Variants in KLHL29 observed in about 807,000 individuals in gnomAD.
The protein encoded by KLHL29 is kelch like family member 29.
KLHL29 carries 21 observed loss-of-function variants against 80.4 expected under a neutral mutation model. That is an observed-to-expected ratio of 0.26 (90% confidence interval 0.19 to 0.38). The LOEUF is 0.38. Among genes scored for constraint, KLHL29 ranks in the 10% least tolerant of loss-of-function variants. KLHL29 has a pLI of 1.00. For missense variants in KLHL29, 867 were observed against 1,223.9 expected (o/e 0.71, Z 4.35); for synonymous variants, 511 against 526.8 (o/e 0.97, Z 0.41).
In KLHL29 at chr2:23,562,488, TGTG is replaced by T; in HGVS notation, c.285+11_285+13del. On this transcript the variant is annotated splice_region_variant and intron_variant, in intron 3 of 13. Coordinates refer to ENST00000486442, the MANE Select transcript of KLHL29 (RefSeq NM_052920.2). The surrounding 1 kb of genome is among the most constrained non-coding windows in gnomAD (Gnocchi z 4.5). ...GTCTGCGGTCACCACCAAGGTAAGA[TGTG>T]GTGTCATCTCTGAGCAGGAGCCGGA... The T allele has an allele frequency of 6.5e-7, 1 of 1,535,156 alleles. No homozygotes were observed. The highest frequency in any genetic ancestry group is 8.7e-7 in the Non-Finnish European group (1 of 1,146,602).
At chr2:23,446,622 A>G (rs1397314690) in intron 1 of KLHL29, among the ~76,000 whole-genome samples, 3 of 152,214 alleles carry the variant, frequency 2.0e-5, no homozygotes, top group Non-Finnish European at 4.4e-5. Flanking sequence ...AACAAGGCTT[A>G]TTAGTGACAG....
At chr2:23,458,036 T>A (rs1055969132) in intron 1 of KLHL29, among the ~76,000 whole-genome samples, 2 of 151,718 alleles carry the variant, frequency 1.3e-5, no homozygotes, top group Non-Finnish European at 2.9e-5. Context: ...TAAAAAAAAA[T>A]AAAACGTAAG....
intron 1 of KLHL29, among the ~76,000 whole-genome samples, chr2:23,411,586 C>T (rs992816146): frequency 1.3e-5 from 2 of 151,948 alleles, no homozygotes; most frequent in African/African-American, 2.4e-5. Flanking sequence ...GTGTGTGTGC[C>T]GCAAGAGTTT....
chr2:23,637,591 A>G (rs750498238), intron 3 of KLHL29, among the ~76,000 whole-genome samples: 6 of 152,234 alleles, frequency 3.9e-5, no homozygotes, highest in Non-Finnish European at 8.8e-5. Context: ...AGCGCAGCCC[A>G]CAGGTCCTAA....
rs74737803 is a variant in KLHL29 at position 23,610,969 on chromosome 2, A to T, written c.286-28170A>T. Among the ~76,000 whole-genome samples the T allele has an allele frequency of 4.9e-3, 749 of 152,328 alleles. 8 individuals are homozygous for T. Among genetic ancestry groups the T allele is most frequent in the African/African-American group, 0.018 (731 of 41,576 alleles). On this transcript the variant is annotated intron_variant, in intron 3 of 13. Transcript: ENST00000486442. ...AAGATAAACAAAAATTACTGCCCACATGGAGCTTACCTTCAAGTGGATGGA... is the reference window on the plus strand; with the variant it reads ...AAGATAAACAAAAATTACTGCCCACTTGGAGCTTACCTTCAAGTGGATGGA...
chr2:23,482,826 CTCATTCAT>C (rs55692243), intron 2 of KLHL29, among the ~76,000 whole-genome samples: 30,615 of 150,186 alleles, frequency 0.2, 3,286 homozygotes, highest in East Asian at 0.25. Flanking sequence ...GCAACGCTCA[CTCATTCAT>C]TCATTCATTC....
chr2:23,608,956 G>GTGCTCCCTAAA (rs1322300954), intron 3 of KLHL29, among the ~76,000 whole-genome samples: 1 of 152,214 alleles, frequency 6.6e-6, no homozygotes, highest in Non-Finnish European at 1.5e-5. Context: ...AGGGAGCCCT[G>GTGCTCCCTAAA]TGCTCAGAAT....
At chr2:23,610,134 A>G (rs1668822995) in intron 3 of KLHL29, among the ~76,000 whole-genome samples, 1 of 152,092 alleles carries the variant, frequency 6.6e-6, no homozygotes, top group South Asian at 2.1e-4. Context: ...TCCTCCCAAC[A>G]CTTGGAAATA....
At chr2:23,400,490 C>G (rs910721549) in intron 1 of KLHL29, among the ~76,000 whole-genome samples, 2 of 152,102 alleles carry the variant, frequency 1.3e-5, no homozygotes, top group Non-Finnish European at 2.9e-5. Flanking sequence ...CCTCATTTCC[C>G]CAATGCTGGG....
At chr2:23,522,238 C>T (rs1666127794) in intron 2 of KLHL29, among the ~76,000 whole-genome samples, 1 of 152,040 alleles carries the variant, frequency 6.6e-6, no homozygotes, top group Non-Finnish European at 1.5e-5. Flanking sequence ...AACCTCCCCA[C>T]CTCCCAGGTT....
At chr2:23,441,388 G>C (rs1310142791) in intron 1 of KLHL29, among the ~76,000 whole-genome samples, 1 of 146,696 alleles carries the variant, frequency 6.8e-6, no homozygotes, top group African/African-American at 2.5e-5. Context: ...TAAATGATGA[G>C]TTAATGGGTG....
intron 2 of KLHL29, among the ~76,000 whole-genome samples, chr2:23,514,906 A>C (rs1486435325): frequency 6.6e-6 from 1 of 152,140 alleles, no homozygotes; most frequent in Non-Finnish European, 1.5e-5. Context: ...CAGTTCCTGC[A>C]CTTCCATTAA....
At chr2:23,629,790 G>T (rs138191483) in intron 3 of KLHL29, among the ~76,000 whole-genome samples, 6 of 152,216 alleles carry the variant, frequency 3.9e-5, no homozygotes, top group Non-Finnish European at 8.8e-5. Context: ...AAAGGCATGG[G>T]CTACCACACA....
intron 2 of KLHL29, among the ~76,000 whole-genome samples, chr2:23,481,358 T>C (rs1166300950): frequency 2.0e-5 from 3 of 152,250 alleles, no homozygotes; most frequent in African/African-American, 7.2e-5. Flanking sequence ...CTACTTTTGA[T>C]TTATGGTGTC....
At chr2:23,554,913 T>A (rs1246125437) in intron 2 of KLHL29, among the ~76,000 whole-genome samples, 6 of 152,080 alleles carry the variant, frequency 3.9e-5, no homozygotes, top group African/African-American at 1.4e-4. Flanking sequence ...CACCAGCTGG[T>A]GAGCAATTAG....
At chr2:23,694,272 A>G (rs1258333277) in intron 8 of KLHL29, among the ~76,000 whole-genome samples, 2 of 152,196 alleles carry the variant, frequency 1.3e-5, no homozygotes, top group Non-Finnish European at 2.9e-5. Context: ...ACTGAAGCTT[A>G]GCTTCCTCCC....
chr2:23,477,090 C>A (rs1045475717), intron 2 of KLHL29, among the ~76,000 whole-genome samples: 1 of 152,224 alleles, frequency 6.6e-6, no homozygotes, highest in African/African-American at 2.4e-5. Context: ...GGGACTTGAG[C>A]CTTTAGAAGT....
intron 3 of KLHL29, among the ~76,000 whole-genome samples, chr2:23,590,136 A>G (rs1177965844): frequency 1.3e-5 from 2 of 152,240 alleles, no homozygotes; most frequent in Non-Finnish European, 2.9e-5. Context: ...CACAGCATCT[A>G]TGGAAGAGCC....
chr2:23,691,468 G>T (rs1671596351), intron 6 of KLHL29: 1 of 598,782 alleles, frequency 1.7e-6, no homozygotes, highest in East Asian at 2.8e-5. Flanking sequence ...GATAAGCAGG[G>T]TTTTCTGTTC....
Sources: allele counts gnomAD v4.1 joint callset (sites outside exome capture counted in the v4.1 genomes callset), GRCh38; gene constraint gnomAD v4.1.1; non-coding constraint Gnocchi (gnomAD v3.1); transcripts MANE v1.5; gene names NCBI Gene and HGNC (gene_info 2026-07-23, HGNC 2026-07-21).